The following CCDC81 variants were observed in gnomAD, a reference collection of about 807,000 sequenced individuals.
CCDC81 encodes the protein coiled-coil domain-containing protein 81.
Under a neutral mutation model 83.7 loss-of-function variants are expected in CCDC81, and 79 were observed. The ratio of observed to expected loss-of-function variants is 0.94; its 90% CI spans 0.79 to 1.14. The LOEUF (loss-of-function observed/expected upper bound fraction) is 1.14. Ranked by LOEUF, CCDC81 falls within the 50% of genes most tolerant of loss-of-function variation. The probability of loss-of-function intolerance (pLI) is 0.00; values close to 1 mark genes in which losing one functional copy is unlikely to be tolerated. For missense variants in CCDC81, 791 were observed against 778.1 expected (o/e 1.02, Z -0.20); for synonymous variants, 252 against 278.1 (o/e 0.91, Z 0.93).
rs775373981 is a variant in CCDC81, at chr11:86,387,665, T to C, written c.291T>C (p.Tyr97=). 5.0e-6 allele frequency: 8 copies of C among 1,593,114 alleles called. No homozygotes were observed. In the Admixed American group the frequency reaches 1.4e-4, roughly 27 times the overall value. Reference sequence around the variant, plus strand: ...ATGGACTCAAACAAAACAAAGTATATACTCCTGGTAAATAATTCTGATATG... The same window carrying C: ...ATGGACTCAAACAAAACAAAGTATACACTCCTGGTAAATAATTCTGATATG... ...QIHGLKQNKV[Y]TPGEIPIVPL... The change falls in exon 3 of 15, where the codon TAT becomes TAC. Residue 97 remains tyrosine (Y), a synonymous_variant. Coordinates refer to ENST00000445632, the MANE Select transcript of CCDC81 (RefSeq NM_001156474.2).
At position 86,422,911 on chromosome 11, in the gene CCDC81, G is replaced by C. The variant is rs966932759; in HGVS notation, c.*196G>C. 56 of 579,434 alleles carry C rather than the reference G, an allele frequency of 9.7e-5. No homozygotes were observed. Among genetic ancestry groups the C allele is most frequent in the Non-Finnish European group, 1.2e-5 (4 of 332,802 alleles). The allele number at this position is 579,434 out of a possible 1,614,324, so 35.9% of individuals were successfully genotyped here. ...CCACCCCCAATTATTTCCTATACTA[G>C]TTTCTGATGGCAGTGAAGGTGTCTG... is the stretch of plus-strand genomic sequence containing the variant. On this transcript the variant is annotated 3_prime_UTR_variant, in exon 15 of 15. Transcript: ENST00000445632.
chr11:86,417,765 T>G (rs1029107270), intron 13 of CCDC81, among the ~76,000 whole-genome samples: 2 of 152,040 alleles, frequency 1.3e-5, no homozygotes, highest in Non-Finnish European at 2.9e-5. Context: ...TTTGTTTTTT[T>G]GAGACAGAGT....
intron 13 of CCDC81, 62 bp downstream of exon 13, chr11:86,415,375 C>G: frequency 7.4e-7 from 1 of 1,346,494 alleles, no homozygotes; most frequent in African/African-American, 1.4e-5. Flanking sequence ...TCCTTTATCT[C>G]TCTTTTTCCA....
At chr11:86,407,514 C>G in intron 7 of CCDC81, 100 bp from the exon 8 acceptor site, 1 of 749,086 alleles carries the variant, frequency 1.3e-6, no homozygotes, top group South Asian at 1.6e-5. Context: ...AAGTAAACCA[C>G]TGAAATATTT....
rs751238080 is a variant in CCDC81 at position 86,412,560 on chromosome 11, G to A, written c.1391+1G>A. On this transcript the variant is annotated splice_donor_variant, in intron 11 of 14. Coordinates refer to ENST00000445632, the MANE Select transcript of CCDC81 (RefSeq NM_001156474.2). LOFTEE classifies it high-confidence loss of function. ...TGGAACAAGTGCAACTCACAGAGGA[G>A]TGAGTCCAGCTACACACGCTCTGAC... is the stretch of plus-strand genomic sequence containing the variant. 2 of 1,601,902 alleles carry A rather than the reference G, an allele frequency of 1.2e-6. No individual in the cohort carries two copies. The highest frequency in any genetic ancestry group is 1.1e-5 in the South Asian group (1 of 88,360).
chr11:86,391,201 T>C (rs7125945), intron 3 of CCDC81, among the ~76,000 whole-genome samples: 4,696 of 152,238 alleles, frequency 0.031, 222 homozygotes, highest in African/African-American at 0.11. Context: ...AGCCTTCTTT[T>C]TAAGAAATGT....
At chr11:86,387,286 T>G (rs1948255599) in intron 2 of CCDC81, among the ~76,000 whole-genome samples, 1 of 152,214 alleles carries the variant, frequency 6.6e-6, no homozygotes, top group Non-Finnish European at 1.5e-5. Context: ...GATACAGAGA[T>G]GAGCGATCTG....
chr11:86,384,361 A>T (rs1374433902), intron 1 of CCDC81, among the ~76,000 whole-genome samples: 1 of 152,032 alleles, frequency 6.6e-6, no homozygotes, highest in African/African-American at 2.4e-5. Flanking sequence ...AGTAAGGGAA[A>T]TGCCTGATTA....
At chr11:86,394,908 A>T (rs183646011) in intron 4 of CCDC81, among the ~76,000 whole-genome samples, 12 of 152,346 alleles carry the variant, frequency 7.9e-5, no homozygotes, top group Non-Finnish European at 1.6e-4. Context: ...CATGCCTGTT[A>T]GCAGTGTGGG....
At chr11:86,395,277 T>C in intron 4 of CCDC81, 57 bp from the exon 5 acceptor site, 1 of 1,406,642 alleles carries the variant, frequency 7.1e-7, no homozygotes, top group East Asian at 2.3e-5. Flanking sequence ...AGTTTTTAAT[T>C]TGTCTGAGTC....
chr11:86,409,446 G>A, intron 10 of CCDC81, 81 bp downstream of exon 10: 1 of 615,574 alleles, frequency 1.6e-6, no homozygotes, highest in Non-Finnish European at 2.7e-6. Flanking sequence ...TGCAGGTTGT[G>A]CCTTATTTTT....
intron 5 of CCDC81, 82 bp from the exon 6 acceptor site, chr11:86,397,539 G>T: frequency 6.6e-7 from 1 of 1,506,980 alleles, no homozygotes; most frequent in Non-Finnish European, 8.9e-7. Flanking sequence ...CCAGCTGGCT[G>T]GGTTGCTTCC....
chr11:86,385,171 T>C (rs1236709766), intron 1 of CCDC81, among the ~76,000 whole-genome samples: 2 of 152,210 alleles, frequency 1.3e-5, no homozygotes, highest in Non-Finnish European at 2.9e-5. Flanking sequence ...GTGGATCACC[T>C]GAGGTCAGGA....
intron 7 of CCDC81, among the ~76,000 whole-genome samples, chr11:86,402,997 A>G (rs1948513570): frequency 6.7e-6 from 1 of 148,400 alleles, no homozygotes; most frequent in Non-Finnish European, 1.5e-5. Flanking sequence ...ACCACCACAC[A>G]CCAGCTAATT....
At chr11:86,414,922 C>G (rs1251553614) in intron 12 of CCDC81, 55 bp downstream of exon 12, 1 of 1,462,190 alleles carries the variant, frequency 6.8e-7, no homozygotes, top group African/African-American at 1.4e-5. Flanking sequence ...CAATAACATC[C>G]TAAAATATGT....
intron 1 of CCDC81, among the ~76,000 whole-genome samples, chr11:86,377,750 A>G (rs1593903614): frequency 2.0e-5 from 3 of 152,200 alleles, no homozygotes; most frequent in African/African-American, 7.2e-5. Flanking sequence ...TGTTTTTCAC[A>G]GAGCAGAAGT....
intron 10 of CCDC81, among the ~76,000 whole-genome samples, chr11:86,411,493 A>G (rs1451391664): frequency 6.6e-6 from 1 of 152,244 alleles, no homozygotes; most frequent in African/African-American, 2.4e-5. Flanking sequence ...TGTCTCCTGC[A>G]TCAGCATGCA....
Position 86,392,692 on chromosome 11 carries a change from A to T in CCDC81, c.450A>T (p.Gly150=). Residue 150 remains glycine, a synonymous_variant, in exon 4 of 15, where the codon GGA becomes GGT. Coordinates refer to ENST00000445632, the MANE Select transcript of CCDC81 (RefSeq NM_001156474.2). ...AAAATGTGGAGTTTACATTCAAAGG[A>T]ATTGGGGTCCTCATGATCAGAGACA... is the stretch of plus-strand genomic sequence containing the variant. The part of the protein sequence containing the change: ...MKQNVEFTFK[G]IGVLMIRDSK... 1 of 1,551,656 alleles carries T rather than the reference A, an allele frequency of 6.4e-7. No individual in the cohort carries two copies. The highest frequency in any genetic ancestry group is 8.7e-7 in the Non-Finnish European group (1 of 1,146,956).
intron 10 of CCDC81, among the ~76,000 whole-genome samples, chr11:86,410,335 T>C (rs1304115029): frequency 6.6e-6 from 1 of 152,224 alleles, no homozygotes; most frequent in Non-Finnish European, 1.5e-5. Context: ...TGTCTAGGAA[T>C]ACAAGGTTCC....
Sources: gnomAD v4.1 joint callset for allele counts (sites outside exome capture counted in the v4.1 genomes callset) on GRCh38, gnomAD v4.1.1 for gene constraint, MANE v1.5 for transcripts, NCBI Gene and HGNC (gene_info 2026-07-23, HGNC 2026-07-21) for gene names.